The following SNX29 variants were observed in gnomAD, a reference collection of about 807,000 sequenced individuals.
SNX29 encodes sorting nexin-29.
A neutral mutation model predicts 102.1 loss-of-function variants in SNX29; 78 were observed. The observed-to-expected ratio is 0.76, with a 90% CI of 0.64 to 0.92. SNX29 has a LOEUF of 0.92. Among genes scored for constraint, SNX29 ranks in the 40% least tolerant of loss-of-function variants. SNX29 has a pLI of 0.00. For synonymous variants in SNX29, 580 were observed against 414.5 expected (o/e 1.40, Z -4.85); for missense variants, 1,280 against 1,061.7 (o/e 1.21, Z -2.86).
At chr16:12,334,374 T>G (rs1363560206) in intron 15 of SNX29, among the ~76,000 whole-genome samples, 1 of 152,198 alleles carries the variant, frequency 6.6e-6, no homozygotes, top group Non-Finnish European at 1.5e-5. Context: ...TCTTCCTGTG[T>G]AGGTGAGTCC....
At chr16:12,368,329 A>G (rs2082561965) in intron 16 of SNX29, among the ~76,000 whole-genome samples, 1 of 152,208 alleles carries the variant, frequency 6.6e-6, no homozygotes, top group South Asian at 2.1e-4. Context: ...AGCTGGTCCT[A>G]TGTTGATGCA....
At chr16:12,227,724 A>T (rs548667082) in intron 14 of SNX29, among the ~76,000 whole-genome samples, 14 of 152,014 alleles carry the variant, frequency 9.2e-5, no homozygotes, top group Admixed American at 3.9e-4. Flanking sequence ...ACATGGCGAA[A>T]CCCAGTCTCT....
chr16:12,006,853 A>G (rs753334334), intron 3 of SNX29, among the ~76,000 whole-genome samples: 3 of 152,166 alleles, frequency 2.0e-5, no homozygotes, highest in African/African-American at 4.8e-5. Context: ...TTGTGGACTC[A>G]AGTGATCCTC....
chr16:12,572,106 C>G lies in SNX29; in HGVS notation c.*3477C>G, dbSNP rs1000680069. 4 of 1,053,618 alleles carry G rather than the reference C, an allele frequency of 3.8e-6. No individual in the cohort carries two copies. Among genetic ancestry groups the G allele is most frequent in the South Asian group, 4.6e-5 (1 of 21,714 alleles). The allele number at this position is 1,053,618 out of a possible 1,614,324, so 65.3% of individuals were successfully genotyped here. A position where few individuals can be genotyped will look rare whatever the true frequency, so the allele number is the denominator to read the frequency against. On this transcript the variant is annotated 3_prime_UTR_variant, in exon 21 of 21. Transcript: ENST00000566228. ...GGAAGGGGAGGGATGTGGACTGGGT[C>G]TGATCACAGCCCTTGGCCCTGCTTC...
intron 15 of SNX29, among the ~76,000 whole-genome samples, chr16:12,296,344 T>A (rs1207472011): frequency 6.6e-6 from 1 of 152,242 alleles, no homozygotes; most frequent in East Asian, 1.9e-4. Flanking sequence ...GCTCTGCACC[T>A]GTAAGTTTGT....
chr16:12,569,528 T>C lies in SNX29; in HGVS notation c.*899T>C. On this transcript the variant is annotated 3_prime_UTR_variant, in exon 21 of 21. Coordinates refer to ENST00000566228, the MANE Select transcript of SNX29 (RefSeq NM_032167.5). ...CAAACCAGGCTCCATGACTATGAAGTTGGACCCAGTGTGGACACTTAACAG... is the reference window on the plus strand; with the variant it reads ...CAAACCAGGCTCCATGACTATGAAGCTGGACCCAGTGTGGACACTTAACAG... 4.3e-6 allele frequency: 1 copy of C among 231,590 alleles called. No individual in the cohort carries two copies. Among genetic ancestry groups the C allele is most frequent in the East Asian group, 6.1e-5 (1 of 16,338 alleles). The allele number at this position is 231,590 out of a possible 1,614,324, so 14.3% of individuals were successfully genotyped here.
intron 15 of SNX29, among the ~76,000 whole-genome samples, chr16:12,317,652 G>A (rs1314092526): frequency 1.3e-5 from 2 of 152,228 alleles, no homozygotes; most frequent in African/African-American, 4.8e-5. Context: ...ATTAACACCT[G>A]ACATCAGCTT....
chr16:12,125,257 C>T (rs2054155183), intron 11 of SNX29, among the ~76,000 whole-genome samples: 1 of 152,132 alleles, frequency 6.6e-6, no homozygotes, highest in South Asian at 2.1e-4. Flanking sequence ...AGCTCTCGGT[C>T]CCTTTCTTTC....
chr16:12,402,667 C>G (rs1369441807), intron 17 of SNX29, among the ~76,000 whole-genome samples: 1 of 152,170 alleles, frequency 6.6e-6, no homozygotes, highest in East Asian at 1.9e-4. Context: ...ATCTGTTAAA[C>G]ATGCCTCACC....
intron 10 of SNX29, among the ~76,000 whole-genome samples, chr16:12,076,763 G>A (rs2051594916): frequency 6.6e-6 from 1 of 152,128 alleles, no homozygotes; most frequent in Admixed American, 6.5e-5. Flanking sequence ...GGGTCCCAGG[G>A]TGCTATTACA....
intron 10 of SNX29, among the ~76,000 whole-genome samples, chr16:12,072,092 A>G (rs552281265): frequency 1.1e-4 from 17 of 152,360 alleles, no homozygotes; most frequent in Admixed American, 6.5e-4. Context: ...TTTTCTAGAT[A>G]TACAGTCACA....
chr16:12,567,801 A>G (rs2079074043), intron 20 of SNX29, among the ~76,000 whole-genome samples: 1 of 152,124 alleles, frequency 6.6e-6, no homozygotes, highest in African/African-American at 2.4e-5. Flanking sequence ...ACATCACAGG[A>G]CTTCCTGCTG....
rs183413695 is a variant in SNX29, at chr16:12,558,202, C to T, written c.2319-10304C>T. On this transcript the variant is annotated intron_variant, in intron 20 of 20. Transcript: ENST00000566228. ...AGTTTTTAATAATTACGGTTTACTC[C>T]AGCAGAACCATCACAGAGCCTCTCT... Among the ~76,000 whole-genome samples, 29 of 142,558 alleles carry T rather than the reference C, an allele frequency of 2.0e-4. 1 individual carries two copies. The East Asian group carries it at 3.8e-3, about 19-fold the overall frequency. The allele number at this position is 142,558 out of a possible 152,430, so 93.5% of individuals were successfully genotyped here.
At chr16:12,037,559 G>A (rs777191026) in intron 4 of SNX29, among the ~76,000 whole-genome samples, 2 of 152,160 alleles carry the variant, frequency 1.3e-5, no homozygotes, top group African/African-American at 2.4e-5. Context: ...CCTGCCCTGG[G>A]TTAGCTGTCC....
intron 14 of SNX29, among the ~76,000 whole-genome samples, chr16:12,238,161 A>G (rs1196099213): frequency 6.6e-6 from 1 of 152,202 alleles, no homozygotes; most frequent in Non-Finnish European, 1.5e-5. Flanking sequence ...GGTAAAACAT[A>G]TGAAACCTAA....
At chr16:12,020,654 C>T (rs866263842) in intron 3 of SNX29, among the ~76,000 whole-genome samples, 106 of 147,346 alleles carry the variant, frequency 7.2e-4, no homozygotes, top group Middle Eastern at 3.7e-3. Context: ...GATGGAGTCT[C>T]GCTCTGTCCC....
intron 14 of SNX29, among the ~76,000 whole-genome samples, chr16:12,220,788 T>C (rs2077455840): frequency 6.6e-6 from 1 of 152,194 alleles, no homozygotes; most frequent in South Asian, 2.1e-4. Flanking sequence ...TATCCGTCAT[T>C]AGATGCTGAC....
intron 4 of SNX29, among the ~76,000 whole-genome samples, chr16:12,031,136 G>T (rs1007328833): frequency 2.6e-5 from 4 of 151,796 alleles, no homozygotes; most frequent in Non-Finnish European, 5.9e-5. Context: ...GCAGTGGTGC[G>T]ATCTCGGCTC....
intron 14 of SNX29, among the ~76,000 whole-genome samples, chr16:12,212,359 G>A (rs1359843071): frequency 2.0e-5 from 3 of 152,224 alleles, no homozygotes; most frequent in East Asian, 1.9e-4. Flanking sequence ...GAGCAGGGCT[G>A]TGTGTAGACT....
Sources: allele counts gnomAD v4.1 joint callset (sites outside exome capture counted in the v4.1 genomes callset), GRCh38; gene constraint gnomAD v4.1.1; transcripts MANE v1.5; gene names NCBI Gene and HGNC (gene_info 2026-07-23, HGNC 2026-07-21).